UGGT2: variants seen among roughly 807,000 people sequenced by gnomAD.
The protein encoded by UGGT2 is UDP-glucose glycoprotein glucosyltransferase 2, also known as UDP-glucose:glycoprotein glucosyltransferase 2.
In UGGT2, 180 loss-of-function variants were observed where a neutral mutation model predicts 192.1. The ratio of observed to expected loss-of-function variants is 0.94; its 90% CI spans 0.83 to 1.06. The LOEUF (loss-of-function observed/expected upper bound fraction) is 1.06. UGGT2 is among the 50% of genes least tolerant of loss of function. The pLI, the probability that UGGT2 is intolerant of heterozygous loss-of-function variation, is 0.00. For synonymous variants in UGGT2, 580 were observed against 591.0 expected (o/e 0.98, Z 0.27); for missense variants, 1,849 against 1,795.7 (o/e 1.03, Z -0.54).
intron 1 of UGGT2, among the ~76,000 whole-genome samples, chr13:96,047,924 C>T (rs1468754053): frequency 6.6e-6 from 1 of 152,052 alleles, no homozygotes; most frequent in Non-Finnish European, 1.5e-5. Context: ...TTAGACAGAT[C>T]AACGAGACAG....
chr13:95,963,638 A>G (rs567959921), intron 12 of UGGT2, among the ~76,000 whole-genome samples: 66 of 152,298 alleles, frequency 4.3e-4, no homozygotes, highest in African/African-American at 1.6e-3. Context: ...ATCTAGAAAA[A>G]CCAAGGACTC....
intron 12 of UGGT2, among the ~76,000 whole-genome samples, chr13:95,962,064 A>C (rs931972668): frequency 3.3e-5 from 5 of 152,166 alleles, no homozygotes; most frequent in Non-Finnish European, 5.9e-5. Flanking sequence ...ACATACTAAA[A>C]CCTGTGGGAT....
At chr13:96,043,191 A>G (rs920432291) in intron 1 of UGGT2, among the ~76,000 whole-genome samples, 10 of 152,258 alleles carry the variant, frequency 6.6e-5, no homozygotes, top group Non-Finnish European at 1.2e-4. Context: ...CCTACAAGCT[A>G]GAAGGGATTG....
At chr13:96,019,774 A>T (rs2052460312) in intron 4 of UGGT2, among the ~76,000 whole-genome samples, 1 of 152,200 alleles carries the variant, frequency 6.6e-6, no homozygotes, top group East Asian at 1.9e-4. Context: ...ATTATATTTA[A>T]CCAAGGGGTC....
Position 95,867,396 on chromosome 13 carries a change from G to A in UGGT2, c.3501C>T (p.Asp1167=). Residue 1167 remains aspartate (D), a synonymous_variant, in exon 30 of 39, where the codon GAC becomes GAT. Transcript: ENST00000376747. ...VGHEGTDSQA[D]LEDIIVVLNS... is the part of the protein sequence containing the mutation. ...TTAATACAACAATGATATCTTCTAGGTCTGCTTGAGAGTCAGTTCCTTCAT... is the reference window on the plus strand; with the variant it reads ...TTAATACAACAATGATATCTTCTAGATCTGCTTGAGAGTCAGTTCCTTCAT... 1.2e-6 allele frequency: 2 copies of A among 1,608,002 alleles called. No homozygotes were observed. Among genetic ancestry groups the A allele is most frequent in the Non-Finnish European group, 8.5e-7 (1 of 1,177,950 alleles).
intron 2 of UGGT2, among the ~76,000 whole-genome samples, chr13:96,029,284 T>C (rs2052759052): frequency 6.6e-6 from 1 of 152,052 alleles, no homozygotes; most frequent in Non-Finnish European, 1.5e-5. Context: ...TTTTAAGTGT[T>C]ATTTATTTAT....
chr13:95,975,404 G>C (rs2050905277), intron 10 of UGGT2, among the ~76,000 whole-genome samples: 1 of 152,088 alleles, frequency 6.6e-6, no homozygotes, highest in Admixed American at 6.5e-5. Flanking sequence ...ACCTCACCTT[G>C]GTTCTTGGTG....
chr13:95,888,419 T>A (rs979067068), intron 25 of UGGT2, among the ~76,000 whole-genome samples: 2 of 152,180 alleles, frequency 1.3e-5, no homozygotes, highest in African/African-American at 4.8e-5. Context: ...TTTCCCTGGA[T>A]AGTAAGAAGT....
intron 38 of UGGT2, among the ~76,000 whole-genome samples, chr13:95,814,042 A>G (rs753631267): frequency 6.6e-6 from 1 of 152,250 alleles, no homozygotes; most frequent in Non-Finnish European, 1.5e-5. Context: ...ATGTATTAAA[A>G]AAAGTCTGGG....
rs1332618540 is a variant in UGGT2 at position 96,004,190 on chromosome 13, A to C, written c.661-4883T>G. 4.7e-5 allele frequency among the ~76,000 whole-genome samples: 7 copies of C among 149,640 alleles called. No individual in the cohort carries two copies. In the Admixed American group the frequency reaches 4.7e-4, roughly 10 times the overall value. On this transcript the variant is annotated intron_variant, in intron 5 of 38. Transcript: ENST00000376747. Reference sequence around the variant, plus strand: ...AGCAACTCTAGGAAAAAAAAAAAAAACATATTTGTTTTTAAAATTTTTTAT... The same window carrying C: ...AGCAACTCTAGGAAAAAAAAAAAAACCATATTTGTTTTTAAAATTTTTTAT...
intron 4 of UGGT2, among the ~76,000 whole-genome samples, chr13:96,021,854 A>G (rs543982849): frequency 1.3e-5 from 2 of 152,188 alleles, no homozygotes; most frequent in Non-Finnish European, 2.9e-5. Context: ...ATTTGATAAG[A>G]GATTCAATAC....
In UGGT2 at chr13:95,877,797, G is replaced by C. The variant is rs1431650204; in HGVS notation, c.3288C>G (p.Cys1096Trp). The change falls in exon 28 of 39, where the codon TGC (cysteine) becomes TGG (tryptophan). Residue 1096 changes from cysteine (C) to tryptophan (W), a missense_variant. Coordinates refer to ENST00000376747, the MANE Select transcript of UGGT2 (RefSeq NM_020121.4). ...ELEYLLLEGQ[C>W]FDKVTEQPPR... is the part of the protein sequence containing the mutation. ...GAGGCTGTTCTGTCACTTTATCAAAGCATTGTCCTTCCAGTAGTAAGTATT... is the reference window on the plus strand; with the variant it reads ...GAGGCTGTTCTGTCACTTTATCAAACCATTGTCCTTCCAGTAGTAAGTATT... 2 of 1,613,834 alleles carry C rather than the reference G, an allele frequency of 1.2e-6. No homozygotes were observed. Among genetic ancestry groups the C allele is most frequent in the Non-Finnish European group, 1.7e-6 (2 of 1,179,952 alleles).
At chr13:95,887,257 G>A in intron 26 of UGGT2, 1 of 513,704 alleles carries the variant, frequency 1.9e-6, no homozygotes, top group Non-Finnish European at 3.9e-6. Flanking sequence ...AGCTATACTA[G>A]TGCAATGGTA....
At chr13:95,846,662 T>G (rs1019106887) in intron 36 of UGGT2, among the ~76,000 whole-genome samples, 5 of 152,314 alleles carry the variant, frequency 3.3e-5, no homozygotes, top group African/African-American at 9.6e-5. Context: ...TATTTCTTTC[T>G]TTAAAGTTTG....
intron 4 of UGGT2, among the ~76,000 whole-genome samples, chr13:96,019,159 G>A (rs1318425561): frequency 2.5e-5 from 3 of 117,726 alleles, no homozygotes; most frequent in South Asian, 2.9e-4. Flanking sequence ...TCAGGCTGTA[G>A]AATTGTTTTA....
intron 6 of UGGT2, among the ~76,000 whole-genome samples, chr13:95,996,374 C>A (rs1378298599): frequency 6.6e-6 from 1 of 151,710 alleles, no homozygotes; most frequent in African/African-American, 2.4e-5. Flanking sequence ...TGGTGGTGTG[C>A]GCCTGCAGTC....
At chr13:95,963,150 T>C in intron 12 of UGGT2, among the ~76,000 whole-genome samples, 1 of 151,606 alleles carries the variant, frequency 6.6e-6, no homozygotes, top group Non-Finnish European at 1.5e-5. Context: ...ATGCACAAAT[T>C]CTCAACAAAA....
intron 20 of UGGT2, among the ~76,000 whole-genome samples, chr13:95,922,485 GA>G (rs2048877022): frequency 6.6e-6 from 1 of 152,150 alleles, no homozygotes; most frequent in Non-Finnish European, 1.5e-5. Flanking sequence ...CATATTGAAA[GA>G]AAAATTTTCC....
intron 12 of UGGT2, among the ~76,000 whole-genome samples, chr13:95,969,331 T>C (rs2050691566): frequency 6.6e-6 from 1 of 152,226 alleles, no homozygotes; most frequent in South Asian, 2.1e-4. Context: ...CATTTTGCTC[T>C]ACTAAGCCAT....
Sources: gnomAD v4.1 joint callset for allele counts (sites outside exome capture counted in the v4.1 genomes callset) on GRCh38, gnomAD v4.1.1 for gene constraint, MANE v1.5 for transcripts, NCBI Gene and HGNC (gene_info 2026-07-23, HGNC 2026-07-21) for gene names.